RFX6: variants seen among roughly 807,000 people sequenced by gnomAD.
The protein encoded by RFX6 is regulatory factor X6, also known as DNA-binding protein RFX6.
Under a neutral mutation model 110.8 loss-of-function variants are expected in RFX6, and 50 were observed. The ratio of observed to expected loss-of-function variants is 0.45; its 90% CI spans 0.36 to 0.57. The LOEUF (loss-of-function observed/expected upper bound fraction) is 0.57, where lower values mean the gene tolerates loss of function less well. Ranked by LOEUF, RFX6 falls within the 20% of genes least tolerant of loss-of-function variation. The probability of loss-of-function intolerance (pLI) is 0.00; values close to 1 mark genes in which losing one functional copy is unlikely to be tolerated. For synonymous variants in RFX6, 383 were observed against 411.2 expected (o/e 0.93, Z 0.83); for missense variants, 990 against 1,127.0 (o/e 0.88, Z 1.74).
At chr6:116,917,566 A>G (rs1187880811) in intron 9 of RFX6, among the ~76,000 whole-genome samples, 1 of 152,070 alleles carries the variant, frequency 6.6e-6, no homozygotes, top group Non-Finnish European at 1.5e-5. Flanking sequence ...ATACTTTTAA[A>G]ACACACTTCT....
At position 116,920,471 on chromosome 6, in the gene RFX6, T is replaced by C; in HGVS notation, c.1327+17T>C. 1.9e-6 allele frequency: 3 copies of C among 1,609,746 alleles called. No individual in the cohort carries two copies. Among genetic ancestry groups the C allele is most frequent in the Non-Finnish European group, 1.7e-6 (2 of 1,176,068 alleles). On this transcript the variant is annotated intron_variant, in intron 12 of 18. Transcript: ENST00000332958. ...ACACTGAACGTAAGTCCATTCTCTT[T>C]GTTTAGAACAAGGTTTTCTAAGCTC...
chr6:116,914,873 C>G (rs1449374924), intron 7 of RFX6, among the ~76,000 whole-genome samples: 3 of 152,094 alleles, frequency 2.0e-5, no homozygotes, highest in Admixed American at 6.6e-5. Context: ...TCCTAGCAAC[C>G]CTATTTTATA....
In RFX6 at chr6:116,877,460, A is replaced by G. The variant is rs1412088776; in HGVS notation, c.185A>G (p.Lys62Arg). The stretch of plus-strand genomic sequence containing the variant: ...GGGGGCGAGCAGGGCGGCGGGGAGA[A>G]AGGCGAAGACCCGGAGCTGCCGGGG... Reference protein sequence around the residue: ...QPGGEQGGGEKGEDPELPGAV... With the variant: ...QPGGEQGGGERGEDPELPGAV... Residue 62 changes from lysine (K) to arginine (R), a missense_variant, in exon 1 of 19, where the codon AAA becomes AGA. By Grantham distance (26) the Lys-to-Arg change is conservative. This residue lies in a region of RFX6 where 175 missense variants were observed against 162.3 expected (regional missense o/e 1.08). Transcript: ENST00000332958. 1 of 1,571,776 alleles carries G rather than the reference A, an allele frequency of 6.4e-7. No homozygotes were observed. Among genetic ancestry groups the G allele is most frequent in the South Asian group, 1.2e-5 (1 of 85,798 alleles).
rs1457481480 is a variant in RFX6, at chr6:116,928,936, C to T, written c.2576C>T (p.Thr859Ile). ...RKQTSSFYTDTSSPVACRTPV... is the reference protein window; with the variant it reads ...RKQTSSFYTDISSPVACRTPV... ...CAGACCAGCTCGTTTTACACAGACACATCATCTCCAGTTGCATGTCGAACT... is the reference window on the plus strand; with the variant it reads ...CAGACCAGCTCGTTTTACACAGACATATCATCTCCAGTTGCATGTCGAACT... Residue 859 changes from threonine (T) to isoleucine (I), a missense_variant, in exon 18 of 19, where the codon ACA (threonine) becomes ATA (isoleucine). By Grantham distance (89) the Thr-to-Ile change is moderately conservative (BLOSUM62 -1). This residue lies in a region of RFX6 where 438 missense variants were observed against 441.9 expected (regional missense o/e 0.99). Coordinates refer to ENST00000332958, the MANE Select transcript of RFX6 (RefSeq NM_173560.4). The T allele has an allele frequency of 1.2e-6, 2 of 1,612,728 alleles. No individual in the cohort carries two copies. Among genetic ancestry groups the T allele is most frequent in the African/African-American group, 1.3e-5 (1 of 75,018 alleles).
At position 116,927,448 on chromosome 6, in the gene RFX6, G is replaced by A. The variant is rs773030566; in HGVS notation, c.2307G>A (p.Met769Ile). 6 of 1,614,006 alleles carry A rather than the reference G, an allele frequency of 3.7e-6. No homozygotes were observed. In the Admixed American group the frequency reaches 5.0e-5, roughly 13 times the overall value. ...PSLQAQDSHNMQFLNTGSFNF... is the reference protein window; with the variant it reads ...PSLQAQDSHNIQFLNTGSFNF... ...TGCAAGCCCAGGATTCACACAATATGCAGTTTTTAAATACAGGAAGCTTCA... is the reference window on the plus strand; with the variant it reads ...TGCAAGCCCAGGATTCACACAATATACAGTTTTTAAATACAGGAAGCTTCA... The change falls in exon 17 of 19, where the codon ATG becomes ATA. Residue 769 changes from methionine to isoleucine, a missense_variant. By Grantham distance (10) the Met-to-Ile change is conservative (BLOSUM62 1). Around this residue, in one of 5 missense-constraint regions of RFX6, gnomAD observed 438 missense variants for 441.9 expected, o/e 0.99. Coordinates refer to ENST00000332958, the MANE Select transcript of RFX6 (RefSeq NM_173560.4).
At chr6:116,885,710 G>A (rs932221797) in intron 4 of RFX6, among the ~76,000 whole-genome samples, 1 of 149,560 alleles carries the variant, frequency 6.7e-6, no homozygotes, top group African/African-American at 2.5e-5. Context: ...TGACATATAA[G>A]TTTTATTAAG....
chr6:116,883,140 T>C (rs1210361077), intron 4 of RFX6, among the ~76,000 whole-genome samples: 1 of 152,082 alleles, frequency 6.6e-6, no homozygotes, highest in Non-Finnish European at 1.5e-5. Flanking sequence ...CTCTAGTATT[T>C]CCCCCTTTGA....
chr6:116,880,061 T>C (rs1774554019), intron 2 of RFX6, among the ~76,000 whole-genome samples: 1 of 152,070 alleles, frequency 6.6e-6, no homozygotes, highest in Non-Finnish European at 1.5e-5. Context: ...TCATGTGTTT[T>C]GCAAATAAAT....
chr6:116,877,535 C>T lies in RFX6; in HGVS notation c.223+37C>T, dbSNP rs538471335. The T allele has an allele frequency of 6.8e-6, 10 of 1,473,680 alleles. No homozygotes were observed. In the South Asian group the frequency reaches 8.8e-5, roughly 13 times the overall value. 91.3% of individuals were successfully genotyped at this position (1,473,680 alleles called of 1,614,324 possible). On this transcript the variant is annotated intron_variant, in intron 1 of 18. Coordinates refer to ENST00000332958, the MANE Select transcript of RFX6 (RefSeq NM_173560.4). Reference sequence around the variant, plus strand: ...GCCGCATCCGGAGCTGGGAAGGGGACGGGGACGTATTCTAAGAAGGGCACC... The same window carrying T: ...GCCGCATCCGGAGCTGGGAAGGGGATGGGGACGTATTCTAAGAAGGGCACC...
chr6:116,884,476 T>G (rs1329214419), intron 4 of RFX6, among the ~76,000 whole-genome samples: 1 of 152,130 alleles, frequency 6.6e-6, no homozygotes, highest in Non-Finnish European at 1.5e-5. Context: ...AAAGGCAAAA[T>G]GGGTCCCTTC....
Position 116,893,974 on chromosome 6 carries a change from G to C in RFX6, c.567-13G>C. The C allele has an allele frequency of 6.6e-7, 1 of 1,516,196 alleles. No individual in the cohort carries two copies. Among genetic ancestry groups the C allele is most frequent in the Non-Finnish European group, 9.2e-7 (1 of 1,090,836 alleles). The allele number at this position is 1,516,196 out of a possible 1,614,324, so 93.9% of individuals were successfully genotyped here. A position where few individuals can be genotyped will look rare whatever the true frequency, so the allele number is the denominator to read the frequency against. On this transcript the variant is annotated splice_polypyrimidine_tract_variant and intron_variant, in intron 4 of 18. Coordinates refer to ENST00000332958, the MANE Select transcript of RFX6 (RefSeq NM_173560.4). ...CTTCACTAACACAGAGCTGGTTCCTGTCTTTGCTCTAGGTATCATTACTAT... is the reference window on the plus strand; with the variant it reads ...CTTCACTAACACAGAGCTGGTTCCTCTCTTTGCTCTAGGTATCATTACTAT...
At position 116,923,104 on chromosome 6, in the gene RFX6, T is replaced by C. The variant is rs779514550; in HGVS notation, c.1438-3T>C. 5.9e-6 allele frequency: 9 copies of C among 1,525,280 alleles called. No homozygotes were observed. The highest frequency in any genetic ancestry group is 1.7e-4 in the Middle Eastern group (1 of 5,920). 94.5% of individuals were successfully genotyped at this position (1,525,280 alleles called of 1,614,324 possible). A position where few individuals can be genotyped will look rare whatever the true frequency, so the allele number is the denominator to read the frequency against. On this transcript the variant is annotated splice_region_variant and splice_polypyrimidine_tract_variant and intron_variant, in intron 13 of 18. Transcript: ENST00000332958. ...TAGTTTCATTTTGTTCCTTTACTTTTAGACCAGCAAACAAAATGGAAGGTC... is the reference window on the plus strand; with the variant it reads ...TAGTTTCATTTTGTTCCTTTACTTTCAGACCAGCAAACAAAATGGAAGGTC...
At chr6:116,904,733 A>G (rs1423680230) in intron 6 of RFX6, among the ~76,000 whole-genome samples, 1 of 151,912 alleles carries the variant, frequency 6.6e-6, no homozygotes. Context: ...GATGTTTACT[A>G]CTCTAGAATC....
At chr6:116,903,701 C>T (rs1490294046) in intron 6 of RFX6, among the ~76,000 whole-genome samples, 1 of 152,016 alleles carries the variant, frequency 6.6e-6, no homozygotes, top group Non-Finnish European at 1.5e-5. Context: ...TAAAAATAGG[C>T]TCCTTGTTTT....
rs527407578 is a variant in RFX6, at chr6:116,900,427, G to A, written c.672+5220G>A. Reference sequence around the variant, plus strand: ...GCGCCGCCACACCTGGCTAATTTTTGTGTTTTTAGTAGAGTCGGGGTTTTG... The same window carrying A: ...GCGCCGCCACACCTGGCTAATTTTTATGTTTTTAGTAGAGTCGGGGTTTTG... On this transcript the variant is annotated intron_variant, in intron 6 of 18. Transcript: ENST00000332958. 2.0e-5 allele frequency among the ~76,000 whole-genome samples: 3 copies of A among 152,136 alleles called. No homozygotes were observed. In the East Asian group the frequency reaches 5.8e-4, roughly 29 times the overall value.
chr6:116,916,524 A>G lies in RFX6; in HGVS notation c.972+210A>G, dbSNP rs569307002. ...GTTTACATTAAGTAAAACAAACTCA[A>G]TTTCTTTTTACAGCTAATAATGAGT... is the stretch of plus-strand genomic sequence containing the variant. On this transcript the variant is annotated intron_variant, in intron 9 of 18. Transcript: ENST00000332958. Among the ~76,000 whole-genome samples, 11 of 152,194 alleles carry G rather than the reference A, an allele frequency of 7.2e-5. No individual in the cohort carries two copies. In the East Asian group the frequency reaches 1.9e-3, roughly 27 times the overall value.
intron 17 of RFX6, among the ~76,000 whole-genome samples, chr6:116,927,840 T>C (rs927844592): frequency 6.7e-5 from 10 of 148,182 alleles, no homozygotes; most frequent in Non-Finnish European, 1.2e-4. Flanking sequence ...AACCCCTAGC[T>C]CAAGCAATCC....
In RFX6 at chr6:116,931,371, A is replaced by C; in HGVS notation, c.2652A>C (p.Gln884His). ...LQTPIPSSSS[Q>H]CMYGTSNQYP... ...CCCCAATTCCTTCTTCCTCATCCCA[A>C]TGTATGTATGGAACTTCCAACCAGT... The change falls in exon 19 of 19, where the codon CAA becomes CAC. Residue 884 changes from glutamine to histidine, a missense_variant. Gln to His is a conservative substitution (Grantham distance 24, BLOSUM62 0). Coordinates refer to ENST00000332958, the MANE Select transcript of RFX6 (RefSeq NM_173560.4). The C allele has an allele frequency of 5.6e-6, 9 of 1,613,322 alleles. No homozygotes were observed. The highest frequency in any genetic ancestry group is 7.6e-6 in the Non-Finnish European group (9 of 1,179,316).
At chr6:116,919,803 T>C (rs1482772395) in intron 11 of RFX6, among the ~76,000 whole-genome samples, 1 of 152,192 alleles carries the variant, frequency 6.6e-6, no homozygotes. Flanking sequence ...AAGTAATTCA[T>C]AAGTTAAGAA....
Sources: gnomAD v4.1 joint callset for allele counts (sites outside exome capture counted in the v4.1 genomes callset) on GRCh38, gnomAD v4.1.1 for gene constraint, gnomAD v4.1.1 regional missense constraint, MANE v1.5 for transcripts, NCBI Gene and HGNC (gene_info 2026-07-23, HGNC 2026-07-21) for gene names.